Variants in CMIP observed in about 807,000 individuals in gnomAD.
The protein encoded by CMIP is C-Maf-inducing protein.
A neutral mutation model predicts 97.3 loss-of-function variants in CMIP; 13 were observed. The ratio of observed to expected loss-of-function variants is 0.13; its 90% confidence interval spans 0.09 to 0.21. The LOEUF (loss-of-function observed/expected upper bound fraction) is 0.21, where lower values mean the gene tolerates loss of function less well. Ranked by LOEUF, CMIP falls within the 10% of genes least tolerant of loss-of-function variation. The pLI, the probability that CMIP is intolerant of heterozygous loss-of-function variation, is 1.00. For synonymous variants in CMIP, 538 were observed against 436.3 expected, an observed-to-expected ratio of 1.23 and a Z score of -2.91; for missense variants, 847 against 1,024.9, an observed-to-expected ratio of 0.83 and a Z score of 2.37.
intron 1 of CMIP, among the ~76,000 whole-genome samples, chr16:81,484,350 C>G (rs941917046): frequency 1.3e-5 from 2 of 152,210 alleles, no homozygotes; most frequent in East Asian, 1.9e-4. Context: ...CCTGGTGCAG[C>G]TCAGAAAGCC....
intron 3 of CMIP, among the ~76,000 whole-genome samples, chr16:81,641,008 C>A (rs2092300461): frequency 6.6e-6 from 1 of 152,092 alleles, no homozygotes; most frequent in Admixed American, 6.6e-5. Context: ...TCCTCTGCAG[C>A]ACGTCCACCA....
chr16:81,709,042 A>G (rs1017666315), intron 20 of CMIP, among the ~76,000 whole-genome samples: 3 of 152,226 alleles, frequency 2.0e-5, no homozygotes, highest in Admixed American at 6.5e-5. Flanking sequence ...GTTAAGAAAA[A>G]AAGCCAACTG....
At chr16:81,601,774 C>G (rs1489155547) in intron 1 of CMIP, among the ~76,000 whole-genome samples, 6 of 152,184 alleles carry the variant, frequency 3.9e-5, no homozygotes, top group Non-Finnish European at 7.3e-5. Context: ...TTGTGGGCTG[C>G]CGCATCTCCA....
intron 2 of CMIP, among the ~76,000 whole-genome samples, chr16:81,612,724 A>G (rs1166335175): frequency 5.3e-5 from 8 of 152,150 alleles, no homozygotes; most frequent in Non-Finnish European, 1.2e-4. Context: ...ATTTAACACC[A>G]GAAGTCGGAA....
intron 1 of CMIP, among the ~76,000 whole-genome samples, chr16:81,546,103 T>C (rs1430592475): frequency 1.3e-5 from 2 of 152,152 alleles, no homozygotes; most frequent in Non-Finnish European, 2.9e-5. Flanking sequence ...TAATAGACTC[T>C]CAAATTCACC....
chr16:81,557,428 C>G (rs2090787392), intron 1 of CMIP, among the ~76,000 whole-genome samples: 2 of 151,978 alleles, frequency 1.3e-5, no homozygotes. Flanking sequence ...CCTCTTCGTT[C>G]TTTTTTTCTA....
At chr16:81,667,766 AAGAGAGAGAGAG>A (rs59388984) in intron 7 of CMIP, among the ~76,000 whole-genome samples, 1,339 of 85,136 alleles carry the variant, frequency 0.016, 20 homozygotes, top group East Asian at 0.055. Flanking sequence ...GAGGGAGAGA[AAGAGAGAGAGAG>A]AGAGAGAGAG....
chr16:81,639,601 T>C (rs1761801194), intron 3 of CMIP, among the ~76,000 whole-genome samples: 1 of 152,230 alleles, frequency 6.6e-6, no homozygotes, highest in Non-Finnish European at 1.5e-5. Context: ...TAAGACAGAA[T>C]AATGCTGCAG....
intron 1 of CMIP, among the ~76,000 whole-genome samples, chr16:81,568,041 T>TG (rs1555531353): frequency 0.015 from 437 of 29,808 alleles, 1 homozygote; most frequent in African/African-American, 0.044. Flanking sequence ...GTGTGTGTGT[T>TG]TTTTTTTTTT....
chr16:81,505,968 C>T (rs1360099852), intron 1 of CMIP, among the ~76,000 whole-genome samples: 1 of 152,216 alleles, frequency 6.6e-6, no homozygotes, highest in Non-Finnish European at 1.5e-5. Flanking sequence ...GCACTCCAGC[C>T]TGGGCGACAA....
chr16:81,447,308 A>C (rs1023206073), intron 1 of CMIP, among the ~76,000 whole-genome samples: 13 of 150,820 alleles, frequency 8.6e-5, no homozygotes, highest in Non-Finnish European at 1.8e-4. Flanking sequence ...AAATGGTTAG[A>C]AGGAACAGTG....
intron 10 of CMIP, among the ~76,000 whole-genome samples, chr16:81,681,821 G>A (rs992005867): frequency 6.6e-6 from 1 of 152,174 alleles, no homozygotes; most frequent in African/African-American, 2.4e-5. Flanking sequence ...TTTCTTGTCT[G>A]TAAAATGCAT....
Position 81,539,157 on chromosome 16 carries a change from C to T in CMIP, c.301-68410C>T, listed in dbSNP as rs548899375. 2.6e-5 allele frequency among the ~76,000 whole-genome samples: 4 copies of T among 152,248 alleles called. No homozygotes were observed. In the South Asian group the frequency reaches 6.2e-4, roughly 24 times the overall value. Reference sequence around the variant, plus strand: ...CCTTTTGTGACGCAGAATCTTGCAGCGAAACAGTTGGGTGTAGCCTCCTGT... The same window carrying T: ...CCTTTTGTGACGCAGAATCTTGCAGTGAAACAGTTGGGTGTAGCCTCCTGT... On this transcript the variant is annotated intron_variant, in intron 1 of 20. Transcript: ENST00000537098.
chr16:81,535,737 C>CA (rs1246430048), intron 1 of CMIP, among the ~76,000 whole-genome samples: 1 of 152,124 alleles, frequency 6.6e-6, no homozygotes, highest in Non-Finnish European at 1.5e-5. Context: ...CACTCGTTTA[C>CA]AGATGTTGGA....
At chr16:81,460,257 A>T (rs1474027945) in intron 1 of CMIP, among the ~76,000 whole-genome samples, 1 of 151,748 alleles carries the variant, frequency 6.6e-6, no homozygotes, top group Non-Finnish European at 1.5e-5. Flanking sequence ...CCTGGGGGAG[A>T]TGGAGGATGG....
intron 2 of CMIP, among the ~76,000 whole-genome samples, chr16:81,609,702 T>G (rs1321177845): frequency 6.6e-6 from 1 of 151,660 alleles, no homozygotes; most frequent in Non-Finnish European, 1.5e-5. Flanking sequence ...GAGGGATGAG[T>G]AGAAGTGTGC....
chr16:81,658,058 C>T (rs2092505034), intron 5 of CMIP, among the ~76,000 whole-genome samples: 1 of 152,180 alleles, frequency 6.6e-6, no homozygotes, highest in South Asian at 2.1e-4. Context: ...GTATCATAAT[C>T]GCCTCCTCCT....
intron 10 of CMIP, among the ~76,000 whole-genome samples, chr16:81,691,233 G>A (rs966681375): frequency 3.3e-5 from 5 of 152,200 alleles, no homozygotes; most frequent in African/African-American, 1.2e-4. Flanking sequence ...TGGTTTCTCT[G>A]GAGGCCTCTC....
chr16:81,705,731 G>A (rs1908060642), intron 19 of CMIP, 127 bp downstream of exon 19: 4 of 626,686 alleles, frequency 6.4e-6, no homozygotes, highest in Non-Finnish European at 1.1e-5. Flanking sequence ...ATTCACAAAC[G>A]TGTTCACTGC....
Sources: allele counts gnomAD v4.1 joint callset (sites outside exome capture counted in the v4.1 genomes callset), GRCh38; gene constraint gnomAD v4.1.1; transcripts MANE v1.5; gene names NCBI Gene and HGNC (gene_info 2026-07-23, HGNC 2026-07-21).